Variants in BCR observed in about 807,000 individuals in gnomAD.
BCR encodes BCR activator of RhoGEF and GTPase.
Under a neutral mutation model 138.6 loss-of-function variants are expected in BCR, and 58 were observed. The ratio of observed to expected loss-of-function variants is 0.42; its 90% CI spans 0.34 to 0.52. The LOEUF is 0.52. BCR is among the 20% of genes least tolerant of loss of function. BCR has a pLI of 0.06. For synonymous variants in BCR, 786 were observed against 730.1 expected (o/e 1.08, Z -1.23); for missense variants, 1,599 against 1,727.2 (o/e 0.93, Z 1.32).
intron 1 of BCR, among the ~76,000 whole-genome samples, chr22:23,244,640 C>T (rs945951148): frequency 6.6e-6 from 1 of 152,206 alleles, no homozygotes; most frequent in Non-Finnish European, 1.5e-5. Context: ...GCTGGGTGTG[C>T]GGTGCTCACC....
Position 23,261,770 on chromosome 22 carries a change from T to G in BCR, c.1752+230T>G, listed in dbSNP as rs5759667. 0.53 allele frequency: 150,498 copies of G among 282,954 alleles called. 41,614 individuals are homozygous for G. The highest frequency in any genetic ancestry group is 0.67 in the African/African-American group (29,488 of 44,086). 17.5% of individuals were successfully genotyped at this position (282,954 alleles called of 1,614,324 possible). A position where few individuals can be genotyped will look rare whatever the true frequency, so the allele number is the denominator to read the frequency against. ...TTCTAATTTATATTTATTTAGATAG[T>G]TATTTTTAAAAAGAGATGGGGACTT... On this transcript the variant is annotated intron_variant, in intron 4 of 22. Coordinates refer to ENST00000305877, the MANE Select transcript of BCR (RefSeq NM_004327.4).
At chr22:23,223,790 C>T (rs1207405372) in intron 1 of BCR, among the ~76,000 whole-genome samples, 2 of 152,224 alleles carry the variant, frequency 1.3e-5, no homozygotes, top group East Asian at 1.9e-4. Flanking sequence ...CACCGCCTCT[C>T]CTCCTGCCAT....
chr22:23,267,479 A>G (rs2073456469), intron 4 of BCR, among the ~76,000 whole-genome samples: 2 of 152,226 alleles, frequency 1.3e-5, no homozygotes, highest in Admixed American at 1.3e-4. Flanking sequence ...CTGTAGAAAC[A>G]TAAAATTCAA....
At chr22:23,303,259 G>A (rs577251594) in intron 16 of BCR, among the ~76,000 whole-genome samples, 2 of 152,156 alleles carry the variant, frequency 1.3e-5, no homozygotes, top group Non-Finnish European at 2.9e-5. Flanking sequence ...TGTCCTCCAC[G>A]TTTACTTTCC....
chr22:23,262,851 G>T (rs892121624), intron 4 of BCR: 57 of 1,043,622 alleles, frequency 5.5e-5, no homozygotes. Context: ...CGGAAGGGAA[G>T]CCCGGGCCGC....
intron 17 of BCR, chr22:23,309,804 C>T (rs2146326964): frequency 2.4e-6 from 1 of 424,098 alleles, no homozygotes; most frequent in East Asian, 4.1e-5. Flanking sequence ...CTTTAGGTAC[C>T]CCAGAAAGGT....
At chr22:23,256,250 G>A (rs544676221) in intron 2 of BCR, among the ~76,000 whole-genome samples, 5 of 152,234 alleles carry the variant, frequency 3.3e-5, no homozygotes, top group Admixed American at 2.0e-4. Context: ...CCTCCTGCAC[G>A]CCACCCACCC....
At chr22:23,233,757 G>A (rs1381259855) in intron 1 of BCR, among the ~76,000 whole-genome samples, 2 of 146,678 alleles carry the variant, frequency 1.4e-5, no homozygotes, top group East Asian at 2.0e-4. Flanking sequence ...ACCACTGCAC[G>A]CCAGCCTGGG....
chr22:23,288,601 G>A (rs1341757895), intron 12 of BCR, among the ~76,000 whole-genome samples: 2 of 148,310 alleles, frequency 1.3e-5, no homozygotes, highest in Admixed American at 6.7e-5. Context: ...TCTACTCCCC[G>A]CCCCCTGGGC....
At chr22:23,283,837 G>A in intron 8 of BCR, 140 bp from the exon 9 acceptor site, 3 of 1,134,974 alleles carry the variant, frequency 2.6e-6, no homozygotes, top group South Asian at 1.7e-5. Context: ...TGGGTGTGAG[G>A]GTCAGATGTG....
chr22:23,194,450 G>A (rs149526600), intron 1 of BCR, among the ~76,000 whole-genome samples: 2,573 of 147,358 alleles, frequency 0.017, 71 homozygotes, highest in African/African-American at 0.06. Context: ...TCGCTCTGTC[G>A]CCCAGGCTGG....
In BCR at chr22:23,246,144, G is replaced by C. The variant is rs118067926; in HGVS notation, c.1280-7655G>C. 2.6e-3 allele frequency among the ~76,000 whole-genome samples: 389 copies of C among 152,306 alleles called. 3 individuals carry two copies. The East Asian group carries it at 0.039, about 15-fold the overall frequency. On this transcript the variant is annotated intron_variant, in intron 1 of 22. Coordinates refer to ENST00000305877, the MANE Select transcript of BCR (RefSeq NM_004327.4). Reference sequence around the variant, plus strand: ...AATTTCCTTCCCTTTGAAGGCAGAGGCCGGGTGTAGTGGCTCACACCTGCA... The same window carrying C: ...AATTTCCTTCCCTTTGAAGGCAGAGCCCGGGTGTAGTGGCTCACACCTGCA...
At chr22:23,210,948 C>A (rs1416211646) in intron 1 of BCR, among the ~76,000 whole-genome samples, 1 of 152,094 alleles carries the variant, frequency 6.6e-6, no homozygotes, top group Non-Finnish European at 1.5e-5. Context: ...TAAAATGGAC[C>A]ATTCAGTGGT....
chr22:23,228,331 T>C (rs2072916582), intron 1 of BCR, among the ~76,000 whole-genome samples: 1 of 152,346 alleles, frequency 6.6e-6, no homozygotes, highest in South Asian at 2.1e-4. Context: ...TCCTCGAGAC[T>C]TCCTTTTTCA....
At chr22:23,211,655 T>G (rs1336677039) in intron 1 of BCR, among the ~76,000 whole-genome samples, 3 of 151,674 alleles carry the variant, frequency 2.0e-5, no homozygotes, top group Admixed American at 6.6e-5. Context: ...TGGCTAGTTT[T>G]TTTTGTTTTG....
At chr22:23,225,859 C>T (rs1357576692) in intron 1 of BCR, among the ~76,000 whole-genome samples, 1 of 152,204 alleles carries the variant, frequency 6.6e-6, no homozygotes, top group Non-Finnish European at 1.5e-5. Flanking sequence ...TCAGTGCATC[C>T]CAGGGCCTGA....
intron 1 of BCR, among the ~76,000 whole-genome samples, chr22:23,207,943 G>A (rs914816229): frequency 6.6e-6 from 1 of 152,184 alleles, no homozygotes; most frequent in African/African-American, 2.4e-5. Context: ...GATGGCCTAT[G>A]CACCCCATAC....
chr22:23,315,039 G>A lies in BCR; in HGVS notation c.3726+325G>A, dbSNP rs570445890. On this transcript the variant is annotated intron_variant, in intron 22 of 22. Transcript: ENST00000305877. ...TGTTTGAAACCAGTCTGGGCAATGT[G>A]GCAAACCCCATCTCTAGAAAAAATA... 1.0e-3 allele frequency among the ~76,000 whole-genome samples: 153 copies of A among 152,276 alleles called. 1 individual carries two copies. The highest frequency in any genetic ancestry group is 6.8e-3 in the South Asian group (33 of 4,820).
chr22:23,184,595 G>A (rs2072315714), intron 1 of BCR, among the ~76,000 whole-genome samples: 1 of 152,082 alleles, frequency 6.6e-6, no homozygotes, highest in Non-Finnish European at 1.5e-5. Flanking sequence ...CACCAGAGGG[G>A]CATGTTTGTT....
Sources: allele counts gnomAD v4.1 joint callset (sites outside exome capture counted in the v4.1 genomes callset), GRCh38; gene constraint gnomAD v4.1.1; transcripts MANE v1.5; gene names NCBI Gene and HGNC (gene_info 2026-07-23, HGNC 2026-07-21).